The following PRKG2 variants were observed in gnomAD, a reference collection of about 807,000 sequenced individuals.
PRKG2 encodes the protein protein kinase cGMP-dependent 2, also known as cGMP-dependent protein kinase 2.
PRKG2 carries 33 observed loss-of-function variants against 97.2 expected under a neutral mutation model. The observed-to-expected ratio is 0.34, with a 90% CI of 0.26 to 0.45. The LOEUF (loss-of-function observed/expected upper bound fraction) is 0.45. Among genes scored for constraint, PRKG2 ranks in the 20% least tolerant of loss-of-function variants. The probability of loss-of-function intolerance (pLI) is 1.00; values close to 1 mark genes in which losing one functional copy is unlikely to be tolerated. For missense variants in PRKG2, 638 were observed against 900.0 expected (o/e 0.71, Z 3.73); for synonymous variants, 330 against 321.8 (o/e 1.03, Z -0.27).
chr4:81,109,674 C>T lies in PRKG2; in HGVS notation c.1940+774G>A, dbSNP rs575439905. ...CATAAAATAATCATAATAAAAATTC[C>T]TAACTTATCTTCCACACAAGCTTGT... On this transcript the variant is annotated intron_variant, in intron 15 of 18. Coordinates refer to ENST00000264399, the MANE Select transcript of PRKG2 (RefSeq NM_006259.3). 2.6e-5 allele frequency among the ~76,000 whole-genome samples: 4 copies of T among 152,166 alleles called. No homozygotes were observed. In the South Asian group the frequency reaches 8.3e-4, roughly 32 times the overall value.
Position 81,140,235 on chromosome 4 carries a change from T to C in PRKG2, c.1544+298A>G, listed in dbSNP as rs556181221. 1.1e-3 allele frequency among the ~76,000 whole-genome samples: 164 copies of C among 152,186 alleles called. 1 individual carries two copies. Among genetic ancestry groups the C allele is most frequent in the African/African-American group, 3.8e-3 (156 of 41,514 alleles). On this transcript the variant is annotated intron_variant, in intron 12 of 18. Coordinates refer to ENST00000264399, the MANE Select transcript of PRKG2 (RefSeq NM_006259.3). ...AGAAAGAAAGAATAAGATCTAGCAATTGATAGCACAACAGGGGCATCATAG... is the reference window on the plus strand; with the variant it reads ...AGAAAGAAAGAATAAGATCTAGCAACTGATAGCACAACAGGGGCATCATAG...
At chr4:81,155,198 T>C (rs1053898546) in intron 6 of PRKG2, among the ~76,000 whole-genome samples, 5 of 138,926 alleles carry the variant, frequency 3.6e-5, no homozygotes, top group Non-Finnish European at 3.0e-5. Context: ...AAAAGAAGAA[T>C]GTATAACTAG....
At chr4:81,208,493 A>G (rs750442501) in intron 1 of PRKG2, among the ~76,000 whole-genome samples, 1 of 152,064 alleles carries the variant, frequency 6.6e-6, no homozygotes. Flanking sequence ...CAGTGGTGCA[A>G]TCACTATAAC....
Position 81,160,033 on chromosome 4 carries a change from G to A in PRKG2, c.913-6312C>T, listed in dbSNP as rs569265046. 5.6e-4 allele frequency among the ~76,000 whole-genome samples: 85 copies of A among 151,708 alleles called. 2 individuals are homozygous for A. In the South Asian group the frequency reaches 0.016, roughly 28 times the overall value. ...TAGATGACGAATTAGTGGGTGCAGC[G>A]CACCAGCATGGCACATGTATACATA... On this transcript the variant is annotated intron_variant, in intron 6 of 18. Transcript: ENST00000264399.
chr4:81,150,478 A>G (rs1342954877), intron 8 of PRKG2, among the ~76,000 whole-genome samples: 2 of 152,184 alleles, frequency 1.3e-5, no homozygotes, highest in East Asian at 3.8e-4. Context: ...ATTAAAAGGC[A>G]CAAAAATATA....
At chr4:81,150,654 C>T (rs1029949420) in intron 8 of PRKG2, among the ~76,000 whole-genome samples, 1 of 152,040 alleles carries the variant, frequency 6.6e-6, no homozygotes, top group Non-Finnish European at 1.5e-5. Flanking sequence ...TCAGGCCCAG[C>T]AAAACTGAAT....
intron 16 of PRKG2, 43 bp from the exon 17 acceptor site, chr4:81,104,475 T>A: frequency 2.3e-6 from 2 of 874,284 alleles, no homozygotes; most frequent in Non-Finnish European, 3.1e-6. Flanking sequence ...ATAATTATAT[T>A]TATAATAATT....
At chr4:81,155,580 G>A (rs1234981313) in intron 6 of PRKG2, among the ~76,000 whole-genome samples, 68 of 151,578 alleles carry the variant, frequency 4.5e-4, no homozygotes, top group African/African-American at 1.5e-3. Context: ...TACAGAGAAC[G>A]CCACAAAGAT....
At chr4:81,213,925 C>A (rs7691253) in intron 1 of PRKG2, among the ~76,000 whole-genome samples, 26,032 of 151,972 alleles carry the variant, frequency 0.17, 2,714 homozygotes, top group Non-Finnish European at 0.23. Context: ...AGCGTTCCAA[C>A]GGAGAGGATG....
intron 5 of PRKG2, among the ~76,000 whole-genome samples, chr4:81,169,431 T>C (rs956696350): frequency 2.0e-5 from 3 of 152,006 alleles, no homozygotes; most frequent in African/African-American, 7.2e-5. Flanking sequence ...ACTCTATCAA[T>C]ACAAGGGCAA....
intron 12 of PRKG2, among the ~76,000 whole-genome samples, chr4:81,139,536 G>T (rs1192403645): frequency 6.6e-6 from 1 of 152,004 alleles, no homozygotes; most frequent in Non-Finnish European, 1.5e-5. Flanking sequence ...GGGAGGCCGA[G>T]GTTGGCAGAT....
chr4:81,176,485 T>C (rs1750941822), intron 2 of PRKG2, among the ~76,000 whole-genome samples: 1 of 152,140 alleles, frequency 6.6e-6, no homozygotes, highest in African/African-American at 2.4e-5. Flanking sequence ...TGAGAACATA[T>C]CTTTGCTAGG....
intron 6 of PRKG2, 86 bp downstream of exon 6, chr4:81,167,075 T>C: frequency 1.0e-6 from 1 of 987,600 alleles, no homozygotes; most frequent in Non-Finnish European, 1.5e-6. Context: ...TGCTCTGACA[T>C]CTTTTTATTT....
intron 17 of PRKG2, among the ~76,000 whole-genome samples, chr4:81,092,796 G>T (rs1741712627): frequency 6.6e-6 from 1 of 152,044 alleles, no homozygotes; most frequent in Non-Finnish European, 1.5e-5. Flanking sequence ...TCAAACCAAA[G>T]CTCTTGTAGT....
chr4:81,135,141 A>T lies in PRKG2; in HGVS notation c.1776+14T>A, dbSNP rs773928121. ...TATCTCATATGAGACTGTAAGTGAG[A>T]AAAGTTGTCTTACCAATTTAAGGTA... is the stretch of plus-strand genomic sequence containing the variant. On this transcript the variant is annotated intron_variant, in intron 14 of 18. Transcript: ENST00000264399. The T allele has an allele frequency of 6.3e-7, 1 of 1,596,106 alleles. No individual in the cohort carries two copies. Among genetic ancestry groups the T allele is most frequent in the East Asian group, 2.2e-5 (1 of 44,452 alleles).
intron 17 of PRKG2, 40 bp downstream of exon 17, chr4:81,104,329 TA>T: frequency 7.0e-7 from 1 of 1,436,584 alleles, no homozygotes; most frequent in Non-Finnish European, 9.5e-7. Context: ...CATTGTTCTC[TA>T]AATTTCTATA....
At chr4:81,167,365 G>A (rs1383689004) in intron 5 of PRKG2, 141 bp from the exon 6 acceptor site, 2 of 516,362 alleles carry the variant, frequency 3.9e-6, no homozygotes, top group African/African-American at 4.0e-5. Flanking sequence ...CCAAATAACT[G>A]AAAACACATC....
At chr4:81,142,983 C>T (rs747584798) in intron 10 of PRKG2, 36 bp from the exon 11 acceptor site, 1 of 1,550,624 alleles carries the variant, frequency 6.4e-7, no homozygotes. Flanking sequence ...ACACACACAC[C>T]CATAATTAAG....
Position 81,140,682 on chromosome 4 carries a change from T to C in PRKG2, c.1408-13A>G, listed in dbSNP as rs1204950572. On this transcript the variant is annotated splice_polypyrimidine_tract_variant and intron_variant, in intron 11 of 18. Transcript: ENST00000264399. ...TTTTTACTTTAACCTATGTAAGAAA[T>C]GGAAAGATACCTCAAAATTAACTTA... The C allele has an allele frequency of 1.3e-6, 2 of 1,593,304 alleles. No homozygotes were observed. The highest frequency in any genetic ancestry group is 1.7e-6 in the Non-Finnish European group (2 of 1,162,340).
Sources: allele counts gnomAD v4.1 joint callset (sites outside exome capture counted in the v4.1 genomes callset), GRCh38; gene constraint gnomAD v4.1.1; transcripts MANE v1.5; gene names NCBI Gene and HGNC (gene_info 2026-07-23, HGNC 2026-07-21).